The following ABCC1 variants were observed in gnomAD, a reference collection of about 807,000 sequenced individuals.
ABCC1 encodes multidrug resistance-associated protein 1.
In ABCC1, 83 loss-of-function variants were observed where a neutral mutation model predicts 172.9. That is an observed-to-expected ratio of 0.48 (90% CI 0.40 to 0.58). The LOEUF (loss-of-function observed/expected upper bound fraction) is 0.58, where lower values mean the gene tolerates loss of function less well. Ranked by LOEUF, ABCC1 falls within the 20% of genes least tolerant of loss-of-function variation. The pLI is 0.00. For missense variants in ABCC1, 1,817 were observed against 2,002.7 expected (o/e 0.91, Z 1.77); for synonymous variants, 937 against 825.2 (o/e 1.14, Z -2.32).
intron 1 of ABCC1, among the ~76,000 whole-genome samples, chr16:15,981,062 A>G (rs989559685): frequency 3.3e-5 from 5 of 152,208 alleles, no homozygotes; most frequent in South Asian, 4.1e-4. Flanking sequence ...CTTTGACTCC[A>G]TGTCTCACAT....
chr16:16,141,442 C>T lies in ABCC1; in HGVS notation c.*161C>T. 1.6e-6 allele frequency: 1 copy of T among 640,234 alleles called. No individual in the cohort carries two copies. 39.7% of individuals were successfully genotyped at this position (640,234 alleles called of 1,614,324 possible). A position where few individuals can be genotyped will look rare whatever the true frequency, so the allele number is the denominator to read the frequency against. On this transcript the variant is annotated 3_prime_UTR_variant, in exon 31 of 31. Transcript: ENST00000399410. Reference sequence around the variant, plus strand: ...TATTCAAAGCAGCAGCCACCGCCATCCGGTCCCCTGCCTGGAACTGGCTGT... The same window carrying T: ...TATTCAAAGCAGCAGCCACCGCCATTCGGTCCCCTGCCTGGAACTGGCTGT...
At chr16:16,062,112 T>C (rs540804394) in intron 12 of ABCC1, among the ~76,000 whole-genome samples, 4 of 152,332 alleles carry the variant, frequency 2.6e-5, no homozygotes, top group Admixed American at 2.6e-4. Flanking sequence ...GAGGAAAAGA[T>C]ACAAGCCAGA....
intron 1 of ABCC1, among the ~76,000 whole-genome samples, chr16:15,987,296 A>G (rs1275114044): frequency 6.6e-6 from 1 of 152,250 alleles, no homozygotes; most frequent in Non-Finnish European, 1.5e-5. Context: ...GCATAATGTT[A>G]GTATTCCCAT....
Position 16,036,483 on chromosome 16 carries a change from G to A in ABCC1, c.689G>A (p.Arg230Gln), listed in dbSNP as rs8187848. Residue 230 changes from arginine (R) to glutamine (Q), a missense_variant, in exon 7 of 31, where the codon CGG (arginine) becomes CAG (glutamine). By Grantham distance (43) the Arg-to-Gln change is conservative. Transcript: ENST00000399410. The stretch of plus-strand genomic sequence containing the variant: ...TGTCTTGGCCCCAGGTTGATTGTCC[G>A]GGGCTACCGCCAGCCCCTGGAGGGC... ...TFWWITGLIV[R>Q]GYRQPLEGSD... 713 of 1,613,212 alleles carry A rather than the reference G, an allele frequency of 4.4e-4. 1 individual carries two copies. In the African/African-American group the frequency reaches 8.2e-3, roughly 19 times the overall value.
At chr16:16,031,069 G>A (rs956579005) in intron 5 of ABCC1, among the ~76,000 whole-genome samples, 1 of 152,000 alleles carries the variant, frequency 6.6e-6, no homozygotes, top group Non-Finnish European at 1.5e-5. Flanking sequence ...GGCTGGTCTC[G>A]AACTCCTGAC....
At chr16:16,116,249 G>A (rs2044859337) in intron 23 of ABCC1, among the ~76,000 whole-genome samples, 3 of 152,002 alleles carry the variant, frequency 2.0e-5, no homozygotes, top group Non-Finnish European at 4.4e-5. Flanking sequence ...GGCTGCTGGA[G>A]CTCCAGCCAT....
chr16:16,121,486 C>T (rs1170213307), intron 23 of ABCC1, among the ~76,000 whole-genome samples: 1 of 152,156 alleles, frequency 6.6e-6, no homozygotes, highest in African/African-American at 2.4e-5. Context: ...TGCTGAAAAC[C>T]ACACTGCTGG....
At chr16:16,118,299 A>G (rs972736644) in intron 23 of ABCC1, among the ~76,000 whole-genome samples, 7 of 152,226 alleles carry the variant, frequency 4.6e-5, no homozygotes, top group South Asian at 2.1e-4. Context: ...CCTTGGTTCA[A>G]TCATGTGGCC....
chr16:16,109,027 A>T (rs1487763955), intron 21 of ABCC1, among the ~76,000 whole-genome samples: 2 of 152,130 alleles, frequency 1.3e-5, no homozygotes, highest in African/African-American at 2.4e-5. Flanking sequence ...TGAAATAAAC[A>T]CATTCTTAAT....
chr16:16,069,539 G>A (rs1012375674), intron 13 of ABCC1, among the ~76,000 whole-genome samples: 2 of 151,862 alleles, frequency 1.3e-5, no homozygotes, highest in South Asian at 2.1e-4. Flanking sequence ...TTCTTTTTCC[G>A]AGCATTGCGA....
At chr16:16,061,225 G>C (rs1166087032) in intron 12 of ABCC1, among the ~76,000 whole-genome samples, 2 of 152,098 alleles carry the variant, frequency 1.3e-5, no homozygotes, top group Non-Finnish European at 2.9e-5. Flanking sequence ...ATGCCCGGTG[G>C]GTCTTACTTT....
At chr16:16,088,439 C>T (rs1034962090) in intron 18 of ABCC1, among the ~76,000 whole-genome samples, 8 of 152,090 alleles carry the variant, frequency 5.3e-5, no homozygotes, top group Non-Finnish European at 7.4e-5. Flanking sequence ...AGCGAGACTC[C>T]GTCTCAGAAA....
chr16:15,969,953 G>T (rs2046330115), intron 1 of ABCC1, among the ~76,000 whole-genome samples: 1 of 152,098 alleles, frequency 6.6e-6, no homozygotes, highest in Non-Finnish European at 1.5e-5. Context: ...GTCTTGTTGG[G>T]GAAATGGCCA....
chr16:16,045,278 A>T (rs1245026073), intron 8 of ABCC1, among the ~76,000 whole-genome samples: 1 of 151,684 alleles, frequency 6.6e-6, no homozygotes, highest in Admixed American at 6.6e-5. Context: ...CACGCCTGTA[A>T]TCCCAGCTAC....
chr16:16,002,259 T>A (rs2047341656), intron 1 of ABCC1, among the ~76,000 whole-genome samples: 1 of 152,234 alleles, frequency 6.6e-6, no homozygotes, highest in South Asian at 2.1e-4. Flanking sequence ...GAACATTATG[T>A]AACGTATGCT....
At chr16:16,060,897 A>C (rs950712537) in intron 12 of ABCC1, among the ~76,000 whole-genome samples, 1 of 151,868 alleles carries the variant, frequency 6.6e-6, no homozygotes, top group African/African-American at 2.4e-5. Context: ...GCTCACTGCA[A>C]TCTCTGCCTC....
upstream of ABCC1, among the ~76,000 whole-genome samples, chr16:15,949,367 C>A (rs949311466): frequency 7.9e-5 from 12 of 151,944 alleles, no homozygotes; most frequent in Non-Finnish European, 1.8e-4. Context: ...CCAGGCGCTT[C>A]CGGAAGGCGA....
chr16:16,071,594 A>C, intron 13 of ABCC1, 48 bp from the exon 14 acceptor site: 1 of 1,577,290 alleles, frequency 6.3e-7, no homozygotes, highest in Non-Finnish European at 8.7e-7. Context: ...TGGTTTTGCA[A>C]AAATGCTTTT....
rs756648375 is a variant in ABCC1 at position 16,102,638 on chromosome 16, G to C, written c.2656G>C (p.Val886Leu). 6.3e-7 allele frequency: 1 copy of C among 1,582,960 alleles called. No homozygotes were observed. The highest frequency in any genetic ancestry group is 8.6e-7 in the Non-Finnish European group (1 of 1,164,254). ...CTCTCTTCTGCCAGGGGTCACGGGC[G>C]TCAGCGGTCCAGGGAAGGAAGCAAA... Reference protein sequence around the residue: ...QDAEENGVTGVSGPGKEAKQM... With the variant: ...QDAEENGVTGLSGPGKEAKQM... Residue 886 changes from valine to leucine, a missense_variant, in exon 20 of 31, where the codon GTC becomes CTC. Physicochemically the swap from Val to Leu is conservative, Grantham distance 32. Coordinates refer to ENST00000399410, the MANE Select transcript of ABCC1 (RefSeq NM_004996.4).
Sources: gnomAD v4.1 joint callset for allele counts (sites outside exome capture counted in the v4.1 genomes callset) on GRCh38, gnomAD v4.1.1 for gene constraint, MANE v1.5 for transcripts, NCBI Gene and HGNC (gene_info 2026-07-23, HGNC 2026-07-21) for gene names.